ADAM22: variants seen among roughly 807,000 people sequenced by gnomAD.
The protein encoded by ADAM22 is disintegrin and metalloproteinase domain-containing protein 22.
A neutral mutation model predicts 144.6 loss-of-function variants in ADAM22; 65 were observed. The ratio of observed to expected loss-of-function variants is 0.45; its 90% confidence interval spans 0.37 to 0.55. The LOEUF (loss-of-function observed/expected upper bound fraction) is 0.55. ADAM22 is among the 20% of genes least tolerant of loss of function. The probability of loss-of-function intolerance (pLI) is 0.00; values close to 1 mark genes in which losing one functional copy is unlikely to be tolerated. For synonymous variants in ADAM22, 391 were observed against 412.6 expected, an observed-to-expected ratio of 0.95 and a Z score of 0.63; for missense variants, 974 against 1,184.9, an observed-to-expected ratio of 0.82 and a Z score of 2.61.
intron 4 of ADAM22, among the ~76,000 whole-genome samples, chr7:88,103,225 G>A (rs535498985): frequency 4.6e-5 from 7 of 152,204 alleles, no homozygotes; most frequent in African/African-American, 1.7e-4. Context: ...TGTGACTATG[G>A]CTTTACAGCT....
At chr7:88,093,251 A>C (rs1304138427) in intron 4 of ADAM22, among the ~76,000 whole-genome samples, 3 of 151,188 alleles carry the variant, frequency 2.0e-5, no homozygotes, top group Non-Finnish European at 4.4e-5. Flanking sequence ...AAAGTAGTAG[A>C]AATACTGTTT....
At chr7:88,032,985 C>T (rs1245761474) in intron 3 of ADAM22, among the ~76,000 whole-genome samples, 1 of 152,230 alleles carries the variant, frequency 6.6e-6, no homozygotes, top group Admixed American at 6.5e-5. Flanking sequence ...GATCCAACCT[C>T]TTTTCTACAT....
At chr7:87,999,801 A>T (rs1205653843) in intron 3 of ADAM22, among the ~76,000 whole-genome samples, 1 of 152,128 alleles carries the variant, frequency 6.6e-6, no homozygotes, top group Admixed American at 6.6e-5. Flanking sequence ...TTATCCTTGG[A>T]TAAATTCTTT....
chr7:88,127,130 G>A (rs907786351), intron 8 of ADAM22, among the ~76,000 whole-genome samples: 18 of 151,646 alleles, frequency 1.2e-4, no homozygotes, highest in Middle Eastern at 3.2e-3. Flanking sequence ...AAAGACATAC[G>A]TATCTTGAGG....
At chr7:88,115,452 G>T (rs1364951737) in intron 6 of ADAM22, among the ~76,000 whole-genome samples, 2 of 152,148 alleles carry the variant, frequency 1.3e-5, no homozygotes, top group Non-Finnish European at 2.9e-5. Context: ...TGCCATCAGG[G>T]TTGACATCTG....
At chr7:87,965,356 C>T (rs962449560) in intron 2 of ADAM22, among the ~76,000 whole-genome samples, 23 of 152,178 alleles carry the variant, frequency 1.5e-4, no homozygotes, top group African/African-American at 5.5e-4. Context: ...CCTTGGAAAA[C>T]TTTTAGACGA....
Position 88,186,344 on chromosome 7 carries a change from A to G in ADAM22, c.2664-271A>G, listed in dbSNP as rs1848311396. The G allele has an allele frequency of 2.9e-5, 12 of 417,572 alleles. No individual in the cohort carries two copies. In the South Asian group the frequency reaches 3.2e-4, roughly 11 times the overall value. The allele number at this position is 417,572 out of a possible 1,614,324, so 25.9% of individuals were successfully genotyped here. A position where few individuals can be genotyped will look rare whatever the true frequency, so the allele number is the denominator to read the frequency against. On this transcript the variant is annotated intron_variant, in intron 29 of 31. Transcript: ENST00000413139. ...GCTGACTGTACTGTGATTGAAAGGG[A>G]GCTTCTAATTCACTTTGGGAAGCCA...
chr7:88,120,317 T>C (rs1828952251), intron 7 of ADAM22, among the ~76,000 whole-genome samples: 1 of 152,076 alleles, frequency 6.6e-6, no homozygotes, highest in Admixed American at 6.6e-5. Flanking sequence ...CCTAATGCTA[T>C]CCCTCCCCCC....
chr7:88,010,443 C>T (rs1188610541), intron 3 of ADAM22, among the ~76,000 whole-genome samples: 4 of 152,082 alleles, frequency 2.6e-5, no homozygotes, highest in East Asian at 3.9e-4. Context: ...TTTATATATT[C>T]GAACAGTGTC....
intron 31 of ADAM22, among the ~76,000 whole-genome samples, chr7:88,194,636 T>G (rs1399811113): frequency 6.6e-6 from 1 of 152,228 alleles, no homozygotes; most frequent in Admixed American, 6.5e-5. Context: ...ATTCAGGTTT[T>G]TCCCAATGTT....
At chr7:87,949,815 T>C (rs918068547) in intron 2 of ADAM22, among the ~76,000 whole-genome samples, 2 of 150,308 alleles carry the variant, frequency 1.3e-5, no homozygotes, top group Non-Finnish European at 3.0e-5. Flanking sequence ...TTATTTAATA[T>C]GGATTAATTA....
intron 5 of ADAM22, among the ~76,000 whole-genome samples, chr7:88,113,938 C>G (rs1827014718): frequency 6.6e-6 from 1 of 151,230 alleles, no homozygotes; most frequent in Non-Finnish European, 1.5e-5. Context: ...GGCTCTGTTC[C>G]TATTTCTGCT....
chr7:88,144,644 A>G (rs1279727062), intron 15 of ADAM22, among the ~76,000 whole-genome samples: 1 of 152,090 alleles, frequency 6.6e-6, no homozygotes, highest in East Asian at 1.9e-4. Flanking sequence ...TCTGATGTGG[A>G]TGGACAACTA....
chr7:87,962,152 A>G (rs1164467516), intron 2 of ADAM22, among the ~76,000 whole-genome samples: 8 of 152,278 alleles, frequency 5.3e-5, no homozygotes, highest in African/African-American at 1.9e-4. Flanking sequence ...GTTACACTCT[A>G]TAAAACAATG....
intron 31 of ADAM22, among the ~76,000 whole-genome samples, chr7:88,195,572 A>AT (rs1250957344): frequency 6.6e-6 from 1 of 152,030 alleles, no homozygotes; most frequent in Non-Finnish European, 1.5e-5. Context: ...CTATAGTGCA[A>AT]TGTCGCGATC....
intron 3 of ADAM22, among the ~76,000 whole-genome samples, chr7:88,006,249 G>A (rs986906036): frequency 3.3e-5 from 5 of 152,244 alleles, no homozygotes; most frequent in African/African-American, 9.6e-5. Context: ...TGAAATTGTG[G>A]CAATAATCAA....
At chr7:88,030,540 T>A (rs1799996820) in intron 3 of ADAM22, among the ~76,000 whole-genome samples, 1 of 152,100 alleles carries the variant, frequency 6.6e-6, no homozygotes, top group Admixed American at 6.5e-5. Context: ...CATGTTGAAT[T>A]GTAATTCCTA....
At chr7:88,007,070 C>T (rs1382790906) in intron 3 of ADAM22, among the ~76,000 whole-genome samples, 1 of 152,140 alleles carries the variant, frequency 6.6e-6, no homozygotes, top group Non-Finnish European at 1.5e-5. Context: ...TATACAAAAT[C>T]AATGTACAAA....
intron 2 of ADAM22, among the ~76,000 whole-genome samples, chr7:87,955,367 C>G (rs1846389995): frequency 6.6e-6 from 1 of 152,208 alleles, no homozygotes. Context: ...GGACCCTCAG[C>G]TGCAGGTCTG....
Sources: gnomAD v4.1 joint callset for allele counts (sites outside exome capture counted in the v4.1 genomes callset) on GRCh38, gnomAD v4.1.1 for gene constraint, MANE v1.5 for transcripts, NCBI Gene and HGNC (gene_info 2026-07-23, HGNC 2026-07-21) for gene names.